The following CSMD3 variants were observed in gnomAD, a reference collection of about 807,000 sequenced individuals.
CSMD3 encodes the protein CUB and sushi domain-containing protein 3.
A neutral mutation model predicts 435.2 loss-of-function variants in CSMD3; 177 were observed. The ratio of observed to expected loss-of-function variants is 0.41; its 90% confidence interval spans 0.36 to 0.46. The LOEUF (loss-of-function observed/expected upper bound fraction) is 0.46, where lower values mean the gene tolerates loss of function less well. Ranked by LOEUF, CSMD3 falls within the 20% of genes least tolerant of loss-of-function variation. The pLI, the probability that CSMD3 is intolerant of heterozygous loss-of-function variation, is 0.34. For synonymous variants in CSMD3, 1,656 were observed against 1,520.5 expected (o/e 1.09, Z -2.07); for missense variants, 4,265 against 4,504.6 (o/e 0.95, Z 1.52).
In CSMD3 at chr8:112,469,163, A is replaced by C. The variant is rs890643079; in HGVS notation, c.5395+3428T>G. Reference sequence around the variant, plus strand: ...AGGCATTTAATTCTACACCAGGCAAAAAAAAAAAAAAAAAAAAAAGTAATT... The same window carrying C: ...AGGCATTTAATTCTACACCAGGCAACAAAAAAAAAAAAAAAAAAAGTAATT... On this transcript the variant is annotated intron_variant, in intron 32 of 70. Coordinates refer to ENST00000297405, the MANE Select transcript of CSMD3 (RefSeq NM_198123.2). 6.5e-4 allele frequency among the ~76,000 whole-genome samples: 50 copies of C among 77,396 alleles called. No homozygotes were observed. The East Asian group carries it at 0.024, about 37-fold the overall frequency. The allele number at this position is 77,396 out of a possible 152,430, so 50.8% of individuals were successfully genotyped here.
intron 5 of CSMD3, among the ~76,000 whole-genome samples, chr8:113,032,187 T>G (rs1456228906): frequency 6.6e-6 from 1 of 151,586 alleles, no homozygotes; most frequent in East Asian, 1.9e-4. Context: ...AAAGATAACC[T>G]GAAAATGAGG....
chr8:113,063,647 C>T (rs914239752), intron 5 of CSMD3, among the ~76,000 whole-genome samples: 1 of 151,912 alleles, frequency 6.6e-6, no homozygotes, highest in African/African-American at 2.4e-5. Flanking sequence ...AGTCTGCAAA[C>T]TACTGATCCA....
chr8:112,955,705 A>G lies in CSMD3; in HGVS notation c.1343-944T>C, dbSNP rs1455280455. Among the ~76,000 whole-genome samples the G allele has an allele frequency of 2.6e-5, 4 of 151,968 alleles. No individual in the cohort carries two copies. The East Asian group carries it at 5.8e-4, about 22-fold the overall frequency. On this transcript the variant is annotated intron_variant, in intron 7 of 70. Coordinates refer to ENST00000297405, the MANE Select transcript of CSMD3 (RefSeq NM_198123.2). ...CTTCAATTATTTTCTTTTACAAAACATGGTATATACAGGAAATAACTTGCT... is the reference window on the plus strand; with the variant it reads ...CTTCAATTATTTTCTTTTACAAAACGTGGTATATACAGGAAATAACTTGCT...
At chr8:112,319,818 T>A (rs1822823379) in intron 46 of CSMD3, 83 bp downstream of exon 46, 1 of 951,896 alleles carries the variant, frequency 1.1e-6, no homozygotes, top group Admixed American at 1.7e-5. Flanking sequence ...GACAGGCTAT[T>A]ACTATTCTGT....
chr8:112,903,151 C>CAAAAAAAA (rs763330055), intron 10 of CSMD3, among the ~76,000 whole-genome samples: 52 of 53,768 alleles, frequency 9.7e-4, no homozygotes, highest in East Asian at 1.5e-3. Context: ...GCAGTCTTGG[C>CAAAAAAAA]AAAAAAAAAA....
At chr8:112,260,756 A>G (rs979696945) in intron 61 of CSMD3, among the ~76,000 whole-genome samples, 22 of 152,242 alleles carry the variant, frequency 1.4e-4, no homozygotes, top group African/African-American at 5.1e-4. Context: ...ATTACGTGAC[A>G]AAAACATTGA....
At chr8:112,609,997 T>C (rs968902296) in intron 22 of CSMD3, among the ~76,000 whole-genome samples, 1 of 151,810 alleles carries the variant, frequency 6.6e-6, no homozygotes, top group African/African-American at 2.4e-5. Context: ...GAGTAGAAAG[T>C]TGGTTAACAA....
chr8:112,341,746 T>TAC, intron 41 of CSMD3, 60 bp from the exon 42 acceptor site: 2 of 1,013,922 alleles, frequency 2.0e-6, no homozygotes, highest in South Asian at 2.7e-5. Context: ...AACATAAATA[T>TAC]ACACACACAC....
intron 3 of CSMD3, among the ~76,000 whole-genome samples, chr8:113,254,560 T>C (rs1006579591): frequency 7.9e-5 from 12 of 152,218 alleles, no homozygotes; most frequent in African/African-American, 1.7e-4. Context: ...GGAATGTATG[T>C]AAATCAGCCA....
chr8:112,277,664 T>C (rs1818205447), intron 59 of CSMD3, among the ~76,000 whole-genome samples: 2 of 152,126 alleles, frequency 1.3e-5, no homozygotes, highest in Non-Finnish European at 2.9e-5. Flanking sequence ...GAAAAAGACA[T>C]ACCCAAGACT....
chr8:112,413,140 A>C (rs1811530686), intron 32 of CSMD3, among the ~76,000 whole-genome samples: 1 of 152,176 alleles, frequency 6.6e-6, no homozygotes, highest in South Asian at 2.1e-4. Flanking sequence ...AAACTAATTT[A>C]TATCACATTG....
chr8:112,984,064 G>T (rs1042540892), intron 6 of CSMD3, among the ~76,000 whole-genome samples: 1 of 151,764 alleles, frequency 6.6e-6, no homozygotes, highest in African/African-American at 2.4e-5. Context: ...AAAATAGCAT[G>T]TTGGAGGGGA....
At chr8:112,841,845 A>G (rs2080186127) in intron 11 of CSMD3, among the ~76,000 whole-genome samples, 1 of 151,794 alleles carries the variant, frequency 6.6e-6, no homozygotes, top group Non-Finnish European at 1.5e-5. Context: ...TACCCCTAAT[A>G]TCATTGATGT....
chr8:112,801,625 A>C (rs1371279948), intron 12 of CSMD3, among the ~76,000 whole-genome samples: 3 of 152,026 alleles, frequency 2.0e-5, no homozygotes, highest in East Asian at 1.9e-4. Flanking sequence ...TATACACATA[A>C]TCATTTGAAA....
intron 3 of CSMD3, among the ~76,000 whole-genome samples, chr8:113,179,369 T>C (rs2092392119): frequency 6.6e-6 from 1 of 151,844 alleles, no homozygotes; most frequent in African/African-American, 2.4e-5. Context: ...GGTTGTGTCA[T>C]AAGTATCAAA....
intron 4 of CSMD3, among the ~76,000 whole-genome samples, chr8:113,169,236 T>C (rs1305778145): frequency 6.6e-6 from 1 of 152,174 alleles, no homozygotes; most frequent in Admixed American, 6.5e-5. Flanking sequence ...GAATAAAACT[T>C]GGAAGATTTA....
chr8:113,320,945 C>T (rs2093945380), intron 1 of CSMD3, among the ~76,000 whole-genome samples: 1 of 152,116 alleles, frequency 6.6e-6, no homozygotes, highest in Admixed American at 6.6e-5. Flanking sequence ...TCATCCATGT[C>T]CTTTGCTTAT....
At chr8:113,110,819 G>A (rs2090616627) in intron 4 of CSMD3, among the ~76,000 whole-genome samples, 4 of 152,126 alleles carry the variant, frequency 2.6e-5, no homozygotes, top group Admixed American at 2.0e-4. Context: ...TTCTGTTTTA[G>A]TCTATTCAAG....
intron 6 of CSMD3, among the ~76,000 whole-genome samples, chr8:113,014,872 A>G (rs1335882144): frequency 6.6e-6 from 1 of 152,148 alleles, no homozygotes; most frequent in African/African-American, 2.4e-5. Context: ...AGAGTCAAAA[A>G]AAGAAGAAGT....
Sources: gnomAD v4.1 joint callset for allele counts (sites outside exome capture counted in the v4.1 genomes callset) on GRCh38, gnomAD v4.1.1 for gene constraint, MANE v1.5 for transcripts, NCBI Gene and HGNC (gene_info 2026-07-23, HGNC 2026-07-21) for gene names.